The following PRKCZ variants were observed in gnomAD, a reference collection of about 807,000 sequenced individuals.
PRKCZ encodes the protein protein kinase C zeta, also known as protein kinase C zeta type.
Under a neutral mutation model 79.5 loss-of-function variants are expected in PRKCZ, and 33 were observed. The observed-to-expected ratio is 0.41, with a 90% CI of 0.31 to 0.55. The LOEUF (loss-of-function observed/expected upper bound fraction) is 0.55, where lower values mean the gene tolerates loss of function less well. PRKCZ is among the 20% of genes least tolerant of loss of function. PRKCZ has a pLI of 0.19. For missense variants in PRKCZ, 578 were observed against 813.5 expected (o/e 0.71, Z 3.52); for synonymous variants, 342 against 320.9 (o/e 1.07, Z -0.70).
Position 2,127,253 on chromosome 1 carries a change from T to C in PRKCZ, c.335-8009T>C, listed in dbSNP as rs955850682. Among the ~76,000 whole-genome samples, 4 of 152,244 alleles carry C rather than the reference T, an allele frequency of 2.6e-5. No individual in the cohort carries two copies. The highest frequency in any genetic ancestry group is 9.6e-5 in the African/African-American group (4 of 41,478). On this transcript the variant is annotated intron_variant, in intron 4 of 17. Transcript: ENST00000378567. The surrounding 1 kb of genome is among the most constrained non-coding windows in gnomAD (Gnocchi z 5.1). The stretch of plus-strand genomic sequence containing the variant: ...TCGTCTTCTGTGACTTTAGTGTTAT[T>C]CTTCAGTCACCTTTAAAAGCATAGC...
At chr1:2,158,385 C>G (rs1266597527) in intron 10 of PRKCZ, among the ~76,000 whole-genome samples, 1 of 152,234 alleles carries the variant, frequency 6.6e-6, no homozygotes, top group Non-Finnish European at 1.5e-5. Flanking sequence ...CTTGTGGTGA[C>G]CAGGCCCCAG....
At position 2,077,475 on chromosome 1, in the gene PRKCZ, C is replaced by T. The variant is rs890812034; in HGVS notation, c.334+17884C>T. Among the ~76,000 whole-genome samples the T allele has an allele frequency of 3.9e-5, 6 of 152,304 alleles. No individual in the cohort carries two copies. In the East Asian group the frequency reaches 1.2e-3, roughly 29 times the overall value. On this transcript the variant is annotated intron_variant, in intron 4 of 17. Transcript: ENST00000378567. ...TGATTGTTGAAAGAATCCCGTGAGG[C>T]TGTGTCAAGTGTAGACAGGCCAGGC...
chr1:2,071,051 CACCTGGGCGTGCG>C lies in PRKCZ; in HGVS notation c.334+11469_334+11481del, dbSNP rs1553132347. On this transcript the variant is annotated intron_variant, in intron 4 of 17. Coordinates refer to ENST00000378567, the MANE Select transcript of PRKCZ (RefSeq NM_002744.6). ...AGTCGCCTGCTGGGAGCAGCCAGTA[CACCTGGGCGTGCG>C]ACCTGGGCAATGCGGGGGCCGATTG... 2.0e-5 allele frequency among the ~76,000 whole-genome samples: 3 copies of C among 151,800 alleles called. No individual in the cohort carries two copies. In the South Asian group the frequency reaches 6.2e-4, roughly 32 times the overall value.
At chr1:2,058,951 T>C (rs908751752) in intron 3 of PRKCZ, among the ~76,000 whole-genome samples, 4 of 152,278 alleles carry the variant, frequency 2.6e-5, no homozygotes, top group African/African-American at 9.6e-5. Context: ...AATACTTTTA[T>C]GTGTATACAC....
intron 4 of PRKCZ, among the ~76,000 whole-genome samples, chr1:2,124,511 C>A (rs1008545820): frequency 7.9e-5 from 12 of 152,044 alleles, no homozygotes; most frequent in Non-Finnish European, 1.6e-4. Flanking sequence ...GTGCTCTCTG[C>A]TCCACATGAG....
intron 1 of PRKCZ, among the ~76,000 whole-genome samples, chr1:2,051,531 C>G (rs1659657003): frequency 6.6e-6 from 1 of 152,232 alleles, no homozygotes. Flanking sequence ...GTGGCTGCTG[C>G]TGCAGAGAGG....
rs183093402 is a variant in PRKCZ at position 2,161,088 on chromosome 1, G to A, written c.974+4996G>A. Reference sequence around the variant, plus strand: ...GTCACCTCCCTTTCAAAACCCATCCGTGTGCTGGAGTCATGGGAGCTCAGA... The same window carrying A: ...GTCACCTCCCTTTCAAAACCCATCCATGTGCTGGAGTCATGGGAGCTCAGA... On this transcript the variant is annotated intron_variant, in intron 10 of 17. Coordinates refer to ENST00000378567, the MANE Select transcript of PRKCZ (RefSeq NM_002744.6). 9.2e-5 allele frequency among the ~76,000 whole-genome samples: 14 copies of A among 152,306 alleles called. No individual in the cohort carries two copies. In the East Asian group the frequency reaches 1.5e-3, roughly 17 times the overall value.
chr1:2,140,808 A>G (rs1454269519), intron 5 of PRKCZ, among the ~76,000 whole-genome samples: 1 of 152,170 alleles, frequency 6.6e-6, no homozygotes, highest in African/African-American at 2.4e-5. Context: ...GTCTCTACTA[A>G]AAATAAAAAA....
At position 2,061,319 on chromosome 1, in the gene PRKCZ, A is replaced by G. The variant is rs80109925; in HGVS notation, c.334+1728A>G. 0.011 allele frequency among the ~76,000 whole-genome samples: 1,678 copies of G among 151,048 alleles called. 137 individuals are homozygous for G. In the East Asian group the frequency reaches 0.21, roughly 19 times the overall value. On this transcript the variant is annotated intron_variant, in intron 4 of 17. Transcript: ENST00000378567. ...TGCTCTTTCTGTCTACGACCTCGGCATTGCCTCTCTGCCCGTGTGGACAAC... is the reference window on the plus strand; with the variant it reads ...TGCTCTTTCTGTCTACGACCTCGGCGTTGCCTCTCTGCCCGTGTGGACAAC...
intron 4 of PRKCZ, among the ~76,000 whole-genome samples, chr1:2,101,426 T>C (rs952418404): frequency 6.6e-6 from 1 of 152,208 alleles, no homozygotes; most frequent in Non-Finnish European, 1.5e-5. Context: ...CTTGACTTTG[T>C]CCTCAGACTC....
intron 9 of PRKCZ, among the ~76,000 whole-genome samples, chr1:2,153,418 G>A (rs1336172965): frequency 1.3e-5 from 2 of 152,320 alleles, no homozygotes; most frequent in South Asian, 2.1e-4. Context: ...GTCCCTCCTC[G>A]CCAGCCATGC....
intron 10 of PRKCZ, among the ~76,000 whole-genome samples, chr1:2,159,411 G>T (rs74046941): frequency 1.3e-5 from 2 of 152,214 alleles, no homozygotes; most frequent in East Asian, 1.9e-4. Context: ...GAGGTTTTGC[G>T]TGGGCCCCTT....
At chr1:2,054,063 C>T (rs1007870426) in intron 1 of PRKCZ, among the ~76,000 whole-genome samples, 2 of 152,098 alleles carry the variant, frequency 1.3e-5, no homozygotes, top group Non-Finnish European at 2.9e-5. Flanking sequence ...GTCAGGGCCG[C>T]GGCTGTGGAC....
chr1:2,152,463 C>T (rs1236053915), intron 9 of PRKCZ, among the ~76,000 whole-genome samples: 3 of 152,032 alleles, frequency 2.0e-5, no homozygotes, highest in African/African-American at 7.2e-5. Context: ...ACCAGGGAGG[C>T]GGAGATTGCA....
Position 2,150,200 on chromosome 1 carries a change from G to A in PRKCZ, c.688-590G>A, listed in dbSNP as rs902285334. On this transcript the variant is annotated intron_variant, in intron 8 of 17. Coordinates refer to ENST00000378567, the MANE Select transcript of PRKCZ (RefSeq NM_002744.6). ...AAAAAAAAGCAGAATCCATTTTGCC[G>A]CACAGAACAGCACCTCCCAAGGAAC... Among the ~76,000 whole-genome samples, 11 of 148,124 alleles carry A rather than the reference G, an allele frequency of 7.4e-5. No homozygotes were observed. The East Asian group carries it at 1.4e-3, about 19-fold the overall frequency.
At chr1:2,159,119 G>T (rs551522956) in intron 10 of PRKCZ, among the ~76,000 whole-genome samples, 1 of 152,302 alleles carries the variant, frequency 6.6e-6, no homozygotes, top group South Asian at 2.1e-4. Flanking sequence ...TAGAAACGGG[G>T]TGAGCTCCGG....
chr1:2,161,976 T>C (rs542209530), intron 10 of PRKCZ, among the ~76,000 whole-genome samples: 5 of 152,136 alleles, frequency 3.3e-5, no homozygotes, highest in East Asian at 1.9e-4. Flanking sequence ...CATTTTAACG[T>C]GCAGGAAAGA....
intron 1 of PRKCZ, among the ~76,000 whole-genome samples, chr1:2,051,168 C>T (rs1020945450): frequency 2.6e-5 from 4 of 151,954 alleles, no homozygotes; most frequent in African/African-American, 9.7e-5. Flanking sequence ...CCAATGCAGC[C>T]CCCGGCAGGG....
chr1:2,161,460 G>T (rs1216628890), intron 10 of PRKCZ, among the ~76,000 whole-genome samples: 1 of 152,224 alleles, frequency 6.6e-6, no homozygotes, highest in Non-Finnish European at 1.5e-5. Context: ...AGAGCCCTGG[G>T]CAGTGAGGGG....
Sources: gnomAD v4.1 joint callset for allele counts (sites outside exome capture counted in the v4.1 genomes callset) on GRCh38, gnomAD v4.1.1 for gene constraint, Gnocchi (gnomAD v3.1) non-coding constraint, MANE v1.5 for transcripts, NCBI Gene and HGNC (gene_info 2026-07-23, HGNC 2026-07-21) for gene names.